Variants in HYCC1 observed in about 807,000 individuals in gnomAD.
HYCC1 encodes the protein hyccin.
chr7:22,929,780 G>A, the HYCC1 span, among the ~76,000 whole-genome samples: 1 of 152,208 alleles, frequency 6.6e-6, no homozygotes, highest in Non-Finnish European at 1.5e-5. Context: ...GGAAGTCAGT[G>A]TGGCGATTCC....
chr7:22,996,201 A>T, the HYCC1 span, among the ~76,000 whole-genome samples: 1 of 151,650 alleles, frequency 6.6e-6, no homozygotes, highest in Non-Finnish European at 1.5e-5. Context: ...GCTGAGATAG[A>T]AGAATCACTT....
chr7:22,986,496 A>C, the HYCC1 span, among the ~76,000 whole-genome samples: 1 of 152,254 alleles, frequency 6.6e-6, no homozygotes, highest in Non-Finnish European at 1.5e-5. Flanking sequence ...CACATTTCAG[A>C]AGGCATAACT....
chr7:22,916,987 C>T, the HYCC1 span, among the ~76,000 whole-genome samples: 1 of 152,208 alleles, frequency 6.6e-6, no homozygotes, highest in Non-Finnish European at 1.5e-5. Context: ...ATTAATGCCT[C>T]TTTAATAAAA....
At chr7:22,924,106 G>T in the HYCC1 span, among the ~76,000 whole-genome samples, 2,105 of 151,384 alleles carry the variant, frequency 0.014, 52 homozygotes, top group African/African-American at 0.049. Flanking sequence ...TTGAACCCAG[G>T]GGGTGAAAGT....
chr7:22,982,053 C>T, the HYCC1 span, among the ~76,000 whole-genome samples: 31 of 152,218 alleles, frequency 2.0e-4, no homozygotes, highest in East Asian at 5.2e-3. Flanking sequence ...TACTTCATGA[C>T]AGAATAATTT....
chr7:22,947,752 G>A, the HYCC1 span, among the ~76,000 whole-genome samples: 1 of 151,966 alleles, frequency 6.6e-6, no homozygotes, highest in Non-Finnish European at 1.5e-5. Flanking sequence ...TTTTTTATGA[G>A]GCTACATTGA....
chr7:22,920,591 G>A, the HYCC1 span, among the ~76,000 whole-genome samples: 17 of 152,134 alleles, frequency 1.1e-4, no homozygotes, highest in African/African-American at 2.4e-4. Flanking sequence ...ATCATTGCTC[G>A]CAGAGATATT....
the HYCC1 span, among the ~76,000 whole-genome samples, chr7:22,918,786 C>A: frequency 6.6e-6 from 1 of 152,080 alleles, no homozygotes; most frequent in Non-Finnish European, 1.5e-5. Context: ...ACTACCCACC[C>A]AAATCCTATA....
chr7:22,979,804 C>G, the HYCC1 span, among the ~76,000 whole-genome samples: 3,033 of 152,026 alleles, frequency 0.02, 62 homozygotes, highest in East Asian at 0.11. Flanking sequence ...ATTTAAAATC[C>G]AAAATTTAGA....
chr7:23,006,672 T>C, the HYCC1 span, among the ~76,000 whole-genome samples: 3 of 152,218 alleles, frequency 2.0e-5, no homozygotes, highest in African/African-American at 7.2e-5. Context: ...AACCTAATCT[T>C]CATGGTACAG....
chr7:22,960,611 A>AATT, the HYCC1 span, among the ~76,000 whole-genome samples: 17 of 152,212 alleles, frequency 1.1e-4, no homozygotes, highest in African/African-American at 4.1e-4. Context: ...AAAATATGTA[A>AATT]ATGATAAAGT....
At chr7:22,998,962 C>T in the HYCC1 span, among the ~76,000 whole-genome samples, 1 of 152,180 alleles carries the variant, frequency 6.6e-6, no homozygotes, top group Non-Finnish European at 1.5e-5. Context: ...CTCTTCTCTA[C>T]CTTCCTTTCA....
chr7:22,989,192 C>T, the HYCC1 span, among the ~76,000 whole-genome samples: 1 of 150,538 alleles, frequency 6.6e-6, no homozygotes, highest in Non-Finnish European at 1.5e-5. Flanking sequence ...GAAGAAATAG[C>T]ATTCAACTGT....
At chr7:22,986,718 C>T in the HYCC1 span, among the ~76,000 whole-genome samples, 5 of 152,050 alleles carry the variant, frequency 3.3e-5, no homozygotes, top group East Asian at 1.9e-4. Context: ...TGTGGTGCCA[C>T]GCACCTGTAG....
the HYCC1 span, among the ~76,000 whole-genome samples, chr7:23,000,954 C>T: frequency 6.6e-6 from 1 of 151,622 alleles, no homozygotes; most frequent in Non-Finnish European, 1.5e-5. Context: ...CTTTTCAGAG[C>T]CTTTAATATG....
At chr7:22,993,723 C>T in the HYCC1 span, among the ~76,000 whole-genome samples, 38 of 151,694 alleles carry the variant, frequency 2.5e-4, no homozygotes, top group Non-Finnish European at 4.7e-4. Flanking sequence ...CACACACGTA[C>T]GCATGTGTAG....
chr7:22,912,480 C>T, the HYCC1 span, among the ~76,000 whole-genome samples: 1 of 152,182 alleles, frequency 6.6e-6, no homozygotes, highest in Non-Finnish European at 1.5e-5. Flanking sequence ...CTCCCTTCCT[C>T]CACCTAACAC....
chr7:22,973,194 G>A, the HYCC1 span, among the ~76,000 whole-genome samples: 1 of 152,290 alleles, frequency 6.6e-6, no homozygotes, highest in Non-Finnish European at 1.5e-5. Flanking sequence ...AGAAGCTCTT[G>A]TACTTTAACT....
chr7:23,013,948 C>G, the HYCC1 span: 1 of 470,618 alleles, frequency 2.1e-6, no homozygotes, highest in African/African-American at 2.0e-5. Context: ...GGAGCTCCAC[C>G]TGCAGGACCT....
Sources: gnomAD v4.1 joint callset for allele counts (sites outside exome capture counted in the v4.1 genomes callset) on GRCh38, gnomAD v4.1.1 for gene constraint, MANE v1.5 for transcripts, NCBI Gene and HGNC (gene_info 2026-07-23, HGNC 2026-07-21) for gene names.